HECW2: variants seen among roughly 807,000 people sequenced by gnomAD.
HECW2 encodes E3 ubiquitin-protein ligase HECW2.
Under a neutral mutation model 175.2 loss-of-function variants are expected in HECW2, and 61 were observed. That is an observed-to-expected ratio of 0.35 (90% CI 0.28 to 0.43). The LOEUF (loss-of-function observed/expected upper bound fraction) is 0.43, where lower values mean the gene tolerates loss of function less well. HECW2 is among the 20% of genes least tolerant of loss of function. The pLI, the probability that HECW2 is intolerant of heterozygous loss-of-function variation, is 1.00. For missense variants in HECW2, 1,524 were observed against 2,000.5 expected, an observed-to-expected ratio of 0.76 and a Z score of 4.54; for synonymous variants, 671 against 731.0, an observed-to-expected ratio of 0.92 and a Z score of 1.32.
At chr2:196,441,408 A>C (rs997571265) in intron 1 of HECW2, among the ~76,000 whole-genome samples, 3 of 150,908 alleles carry the variant, frequency 2.0e-5, no homozygotes, top group African/African-American at 7.4e-5. Context: ...TTGTTCAACT[A>C]TACTATGCTT....
rs368401786 is a variant in HECW2 at position 196,319,095 on chromosome 2, C to T, written c.1795G>A (p.Glu599Lys). The stretch of plus-strand genomic sequence containing the variant: ...GGCTCAGAGCCCTGATCGAGAGACT[C>T]GGTCTCACTGACGGCTCTTCGGCTT... ...GGSRRAVSET[E>K]SLDQGSEPSQ... The change falls in exon 9 of 29, where the codon GAG (glutamate) becomes AAG (lysine). Residue 599 changes from glutamate (E) to lysine (K), a missense_variant. Glu to Lys is a moderately conservative substitution (Grantham distance 56). This residue lies in a region of HECW2 where 604 missense variants were observed against 588.3 expected (regional missense o/e 1.03). Transcript: ENST00000644978. 4.0e-5 allele frequency: 64 copies of T among 1,600,840 alleles called. No homozygotes were observed. The highest frequency in any genetic ancestry group is 6.7e-5 in the African/African-American group (5 of 74,526).
At chr2:196,416,548 G>A (rs1337664645) in intron 2 of HECW2, among the ~76,000 whole-genome samples, 4 of 152,252 alleles carry the variant, frequency 2.6e-5, no homozygotes, top group African/African-American at 9.6e-5. Flanking sequence ...TCAGATTCAT[G>A]TTCAGTGGGA....
chr2:196,321,659 C>T (rs1691947597), intron 7 of HECW2, among the ~76,000 whole-genome samples: 1 of 152,122 alleles, frequency 6.6e-6, no homozygotes, highest in African/African-American at 2.4e-5. Flanking sequence ...CTCGTCCGCT[C>T]AAAGTGCTGG....
chr2:196,305,163 G>T (rs1448874769), intron 13 of HECW2, among the ~76,000 whole-genome samples: 3 of 152,180 alleles, frequency 2.0e-5, no homozygotes, highest in African/African-American at 7.2e-5. Context: ...AGTCTGGGAT[G>T]CCAGGGCCCA....
At chr2:196,488,502 C>T (rs1015816797) in intron 1 of HECW2, among the ~76,000 whole-genome samples, 2 of 152,052 alleles carry the variant, frequency 1.3e-5, no homozygotes, top group Non-Finnish European at 2.9e-5. Context: ...AGTAATGTTA[C>T]AGAAGGAGAT....
chr2:196,362,852 G>T (rs1241239517), intron 2 of HECW2, among the ~76,000 whole-genome samples: 1 of 152,238 alleles, frequency 6.6e-6, no homozygotes, highest in African/African-American at 2.4e-5. Context: ...CAAGGTGCTG[G>T]TTTAATGTAA....
At chr2:196,530,447 C>T (rs1475788064) in intron 1 of HECW2, among the ~76,000 whole-genome samples, 1 of 152,204 alleles carries the variant, frequency 6.6e-6, no homozygotes, top group African/African-American at 2.4e-5. Context: ...TATCCTTTCT[C>T]ACCTGGATTA....
At chr2:196,558,446 CT>C (rs1689880942) in intron 1 of HECW2, among the ~76,000 whole-genome samples, 1 of 152,170 alleles carries the variant, frequency 6.6e-6, no homozygotes. Context: ...GAAAAATGTC[CT>C]TTCCAGGATA....
chr2:196,409,660 T>C (rs1039309979), intron 2 of HECW2, among the ~76,000 whole-genome samples: 1 of 152,214 alleles, frequency 6.6e-6, no homozygotes, highest in African/African-American at 2.4e-5. Context: ...GCGTTACATT[T>C]AGACTTAGGC....
In HECW2 at chr2:196,198,437, C is replaced by T. The variant is rs1446075648; in HGVS notation, c.*2840G>A. ...TTCATTCCTTGATTGTAGAACTTAC[C>T]AAATTTTATTAAAAACACTTTTTTG... On this transcript the variant is annotated 3_prime_UTR_variant, in exon 29 of 29. Coordinates refer to ENST00000644978, the MANE Select transcript of HECW2 (RefSeq NM_001348768.2). 6.6e-6 allele frequency: 1 copy of T among 152,082 alleles called. No homozygotes were observed. Among genetic ancestry groups the T allele is most frequent in the Non-Finnish European group, 1.5e-5 (1 of 68,016 alleles). 9.4% of individuals were successfully genotyped at this position (152,082 alleles called of 1,614,324 possible).
chr2:196,222,264 T>C lies in HECW2; in HGVS notation c.4093A>G (p.Ile1365Val), dbSNP rs775176986. 6.2e-7 allele frequency: 1 copy of C among 1,613,912 alleles called. No homozygotes were observed. Among genetic ancestry groups the C allele is most frequent in the Non-Finnish European group, 8.5e-7 (1 of 1,179,878 alleles). ...AACGTGAGGTCTAGGATGTCATGGA[T>C]ATCATTGTCTTTCATCCACTGCAGG... ...QSLQWMKDND[I>V]HDILDLTFTV... Residue 1365 changes from isoleucine to valine, a missense_variant, in exon 24 of 29, where the codon ATC (isoleucine) becomes GTC (valine). Transcript: ENST00000644978.
chr2:196,522,618 C>T (rs1390891149), intron 1 of HECW2, among the ~76,000 whole-genome samples: 17 of 152,094 alleles, frequency 1.1e-4, no homozygotes, highest in Admixed American at 4.6e-4. Context: ...TTAGGTCTAA[C>T]GTTTAAATCT....
chr2:196,493,336 C>T (rs1687269356), intron 1 of HECW2: 1 of 152,142 alleles, frequency 6.6e-6, no homozygotes, highest in Non-Finnish European at 1.5e-5. Flanking sequence ...CCATCGCACT[C>T]CAGATTGGGC....
At position 196,322,531 on chromosome 2, in the gene HECW2, A is replaced by G. The variant is rs1321663393; in HGVS notation, c.831T>C (p.Phe277=). The G allele has an allele frequency of 1.9e-6, 3 of 1,614,136 alleles. No individual in the cohort carries two copies. The highest frequency in any genetic ancestry group is 3.3e-5 in the Admixed American group (2 of 60,030). The change falls in exon 7 of 29, where the codon TTT becomes TTC. Residue 277 remains phenylalanine (F), a synonymous_variant. Transcript: ENST00000644978. The part of the protein sequence containing the change: ...FAKSRPIIKR[F]LGKLTIPVQR... ...GGACTGGAATGGTTAGTTTCCCCAG[A>G]AAACGCTTGATGATGGGACGGCTCT...
chr2:196,382,471 C>CA (rs199858698), intron 2 of HECW2, among the ~76,000 whole-genome samples: 1,658 of 139,536 alleles, frequency 0.012, 34 homozygotes, highest in East Asian at 0.036. Context: ...TCACATAGGG[C>CA]AAAAAAAAAA....
rs752382911 is a variant in HECW2, at chr2:196,257,900, C to T, written c.3342G>A (p.Lys1114=). The change falls in exon 18 of 29, where the codon AAG becomes AAA. Residue 1114 remains lysine (K), a synonymous_variant. Coordinates refer to ENST00000644978, the MANE Select transcript of HECW2 (RefSeq NM_001348768.2). ...DLTRNHSLRE[K]IQFIRTEGTP... ...TCCCTTCAGTTCGGATAAATTGGAT[C>T]TTCTCCCTAATCAAGAAAAGAAACA... is the stretch of plus-strand genomic sequence containing the variant. 2.5e-6 allele frequency: 4 copies of T among 1,613,010 alleles called. No homozygotes were observed. Among genetic ancestry groups the T allele is most frequent in the Non-Finnish European group, 3.4e-6 (4 of 1,179,018 alleles).
intron 1 of HECW2, among the ~76,000 whole-genome samples, chr2:196,534,745 C>A (rs1403423478): frequency 6.6e-6 from 1 of 152,202 alleles, no homozygotes; most frequent in Non-Finnish European, 1.5e-5. Context: ...GAAAGCACTT[C>A]CATTGTCAGT....
intron 1 of HECW2, chr2:196,592,682 G>T (rs1691245229): frequency 6.6e-6 from 1 of 152,298 alleles, no homozygotes; most frequent in Admixed American, 6.5e-5. Context: ...AAACCGAAAT[G>T]GCAAATGAAT....
In HECW2 at chr2:196,337,315, A is replaced by ATTTT. The variant is rs36056934; in HGVS notation, c.401-2801_401-2798dup. ...TGTAACCTCTGACTGCAAGAGGAGC[A>ATTTT]TTTTTTTTTTTTGTAAAAAGCTATT... On this transcript the variant is annotated intron_variant, in intron 3 of 28. Transcript: ENST00000644978. 2.4e-4 allele frequency among the ~76,000 whole-genome samples: 35 copies of ATTTT among 145,370 alleles called. 1 individual carries two copies. Among genetic ancestry groups the ATTTT allele is most frequent in the South Asian group, 1.1e-3 (5 of 4,642 alleles).
Sources: gnomAD v4.1 joint callset for allele counts (sites outside exome capture counted in the v4.1 genomes callset) on GRCh38, gnomAD v4.1.1 for gene constraint, gnomAD v4.1.1 regional missense constraint, MANE v1.5 for transcripts, NCBI Gene and HGNC (gene_info 2026-07-23, HGNC 2026-07-21) for gene names.